The following AKR1B15 variants were observed in gnomAD, a reference collection of about 807,000 sequenced individuals.
AKR1B15 encodes aldo-keto reductase family 1 member B15, also known as estradiol 17-beta-dehydrogenase AKR1B15.
A neutral mutation model predicts 38.5 loss-of-function variants in AKR1B15; 49 were observed. That is an observed-to-expected ratio of 1.27 (90% CI 1.01 to 1.62). The LOEUF is 1.62. AKR1B15 is among the 40% of genes most tolerant of loss of function. The probability of loss-of-function intolerance (pLI) is 0.00; values close to 1 mark genes in which losing one functional copy is unlikely to be tolerated. For missense variants in AKR1B15, 411 were observed against 381.6 expected (o/e 1.08, Z -0.64); for synonymous variants, 137 against 135.5 (o/e 1.01, Z -0.08).
In AKR1B15 at chr7:134,566,373, G is replaced by T. The variant is rs573732885; in HGVS notation, c.150+1604G>T. On this transcript the variant is annotated intron_variant, in intron 3 of 11. Coordinates refer to ENST00000457545, the MANE Select transcript of AKR1B15 (RefSeq NM_001080538.3). ...CTAACGGGCATCTGCACTTTAACAA[G>T]TTCCCTAGGTGGTTCCTGTACACAT... Among the ~76,000 whole-genome samples the T allele has an allele frequency of 1.5e-4, 23 of 152,332 alleles. 1 individual carries two copies. In the East Asian group the frequency reaches 4.1e-3, roughly 27 times the overall value.
intron 2 of AKR1B15, among the ~76,000 whole-genome samples, chr7:134,557,104 A>G (rs1009345353): frequency 3.9e-5 from 6 of 152,210 alleles, no homozygotes; most frequent in Non-Finnish European, 7.3e-5. Context: ...CAAGAAAGTA[A>G]CACCACCTTT....
chr7:134,565,595 G>A lies in AKR1B15; in HGVS notation c.150+826G>A, dbSNP rs374680224. On this transcript the variant is annotated intron_variant, in intron 3 of 11. Coordinates refer to ENST00000457545, the MANE Select transcript of AKR1B15 (RefSeq NM_001080538.3). ...ACTTTCTTCTCTGGAGGGCTGTTTG[G>A]GTGTTTTCTCTTTCTACATTCAGCC... The A allele has an allele frequency of 2.7e-4, 432 of 1,608,886 alleles. No homozygotes were observed. In the African/African-American group the frequency reaches 5.1e-3, roughly 19 times the overall value.
chr7:134,551,201 C>A (rs1469231865), intron 1 of AKR1B15, among the ~76,000 whole-genome samples: 1 of 152,202 alleles, frequency 6.6e-6, no homozygotes, highest in East Asian at 1.9e-4. Flanking sequence ...CTTGTCTCCT[C>A]AACTACATCC....
At chr7:134,570,233 T>C (rs1794640253) in intron 5 of AKR1B15, 1 of 152,132 alleles carries the variant, frequency 6.6e-6, no homozygotes, top group African/African-American at 2.4e-5. Context: ...CCTAATAAAT[T>C]TTGGTCAGAC....
intron 10 of AKR1B15, 37 bp downstream of exon 10, chr7:134,577,083 T>C: frequency 1.3e-6 from 2 of 1,570,772 alleles, no homozygotes; most frequent in Non-Finnish European, 1.8e-6. Flanking sequence ...TATTCCTCAG[T>C]GGAGTGGGGG....
intron 1 of AKR1B15, among the ~76,000 whole-genome samples, chr7:134,550,645 G>A (rs536318306): frequency 2.6e-5 from 4 of 152,284 alleles, no homozygotes; most frequent in South Asian, 2.1e-4. Context: ...CTCCCAGGCC[G>A]TGAATATCTT....
At position 134,564,779 on chromosome 7, in the gene AKR1B15, T is replaced by C. The variant is rs1794495834; in HGVS notation, c.150+10T>C. ...TCGCCCCTATCCAGCAGTAAGTGGC[T>C]AGAGAGGTCATCACCCAATTCCCAA... On this transcript the variant is annotated intron_variant, in intron 3 of 11. Transcript: ENST00000457545. 1 of 661,898 alleles carries C rather than the reference T, an allele frequency of 1.5e-6. No individual in the cohort carries two copies. Among genetic ancestry groups the C allele is most frequent in the African/African-American group, 1.8e-5 (1 of 55,886 alleles). 41.0% of individuals were successfully genotyped at this position (661,898 alleles called of 1,614,324 possible). A position where few individuals can be genotyped will look rare whatever the true frequency, so the allele number is the denominator to read the frequency against.
intron 4 of AKR1B15, among the ~76,000 whole-genome samples, chr7:134,569,015 G>T (rs1464457051): frequency 2.0e-5 from 3 of 152,166 alleles, no homozygotes. Flanking sequence ...GGACCTATCA[G>T]ATGGGTCAGA....
At position 134,569,496 on chromosome 7, in the gene AKR1B15, C is replaced by G; in HGVS notation, c.402C>G (p.Asp134Glu). The change falls in exon 5 of 12, where the codon GAC (aspartate) becomes GAG (glutamate). Residue 134 changes from aspartate (D) to glutamate (E), a missense_variant. Coordinates refer to ENST00000457545, the MANE Select transcript of AKR1B15 (RefSeq NM_001080538.3). The part of the protein sequence containing the change: ...TLKDLKLSYL[D>E]VYLIHWPQGF... ...AGGACCTGAAGCTGAGCTATCTGGA[C>G]GTCTATCTTATTCACTGGCCACAGG... is the stretch of plus-strand genomic sequence containing the variant. The G allele has an allele frequency of 1.2e-6, 2 of 1,614,080 alleles. No individual in the cohort carries two copies. The highest frequency in any genetic ancestry group is 1.7e-6 in the Non-Finnish European group (2 of 1,179,958).
chr7:134,577,679 T>C (rs772066743), intron 10 of AKR1B15, 25 bp from the exon 11 acceptor site: 20 of 1,610,302 alleles, frequency 1.2e-5, no homozygotes, highest in Non-Finnish European at 1.6e-5. Flanking sequence ...TTACCGATAA[T>C]GTATTGGAAT....
At chr7:134,569,129 G>A (rs1309194413) in intron 4 of AKR1B15, among the ~76,000 whole-genome samples, 5 of 152,200 alleles carry the variant, frequency 3.3e-5, no homozygotes, top group Admixed American at 3.3e-4. Context: ...GACTGAGACA[G>A]GTAAACAAAT....
At chr7:134,565,518 T>C in intron 3 of AKR1B15, 1 of 1,613,870 alleles carries the variant, frequency 6.2e-7, no homozygotes, top group Non-Finnish European at 8.5e-7. Context: ...AAAGCCAAGA[T>C]GCCCATTGTG....
In AKR1B15 at chr7:134,564,781, G is replaced by A; in HGVS notation, c.150+12G>A. On this transcript the variant is annotated intron_variant, in intron 3 of 11. Transcript: ENST00000457545. ...GCCCCTATCCAGCAGTAAGTGGCTA[G>A]AGAGGTCATCACCCAATTCCCAACA... 1.5e-6 allele frequency: 1 copy of A among 662,190 alleles called. No individual in the cohort carries two copies. Among genetic ancestry groups the A allele is most frequent in the Non-Finnish European group, 2.7e-6 (1 of 366,376 alleles). The allele number at this position is 662,190 out of a possible 1,614,324, so 41.0% of individuals were successfully genotyped here.
intron 1 of AKR1B15, among the ~76,000 whole-genome samples, chr7:134,556,193 G>C (rs1794190425): frequency 6.6e-6 from 1 of 152,142 alleles, no homozygotes; most frequent in African/African-American, 2.4e-5. Context: ...AACACCCAGA[G>C]AGAGTCGATT....
At position 134,568,280 on chromosome 7, in the gene AKR1B15, C is replaced by T; in HGVS notation, c.273C>T (p.Ile91=). 6.2e-7 allele frequency: 1 copy of T among 1,614,084 alleles called. No individual in the cohort carries two copies. Among genetic ancestry groups the T allele is most frequent in the Non-Finnish European group, 8.5e-7 (1 of 1,179,984 alleles). ...TGGGAGAAGCCATCCAAGAGAAGAT[C>T]CAAGAGAAGGCTGTGATGCGGGAGG... ...HEVGEAIQEK[I]QEKAVMREDL... The change falls in exon 4 of 12, where the codon ATC becomes ATT. Residue 91 remains isoleucine (I), a synonymous_variant. Transcript: ENST00000457545.
rs79024112 is a variant in AKR1B15, at chr7:134,568,167, G to C, written c.160G>C (p.Gly54Arg). ...LLRPYPASLL[G>R]KVKEAVKVAI... is the part of the protein sequence containing the mutation. ...TTCTTTTGCTTTTCAGTCTCTTCTC[G>C]GCAAAGTGAAAGAAGCGGTGAAGGT... is the stretch of plus-strand genomic sequence containing the variant. The change falls in exon 4 of 12, where the codon GGC becomes CGC. Residue 54 changes from glycine to arginine, a missense_variant. By Grantham distance (125) the Gly-to-Arg change is moderately radical (BLOSUM62 -2). Coordinates refer to ENST00000457545, the MANE Select transcript of AKR1B15 (RefSeq NM_001080538.3). 2.5e-6 allele frequency: 4 copies of C among 1,613,790 alleles called. No individual in the cohort carries two copies. The African/African-American group carries it at 5.3e-5, about 22-fold the overall frequency.
At chr7:134,556,281 T>C (rs1414692222) in intron 1 of AKR1B15, among the ~76,000 whole-genome samples, 1 of 152,190 alleles carries the variant, frequency 6.6e-6, no homozygotes, top group African/African-American at 2.4e-5. Flanking sequence ...GATGTCCATT[T>C]TGGACGGGAT....
At position 134,569,465 on chromosome 7, in the gene AKR1B15, C is replaced by T. The variant is rs773738021; in HGVS notation, c.371C>T (p.Thr124Ile). 1.9e-6 allele frequency: 3 copies of T among 1,613,916 alleles called. No individual in the cohort carries two copies. Among genetic ancestry groups the T allele is most frequent in the Admixed American group, 1.7e-5 (1 of 59,998 alleles). ...CTTGTGAGGAAAGCCTTTGAGAAGA[C>T]CCTCAAGGACCTGAAGCTGAGCTAT... is the stretch of plus-strand genomic sequence containing the variant. The part of the protein sequence containing the change: ...RPLVRKAFEK[T>I]LKDLKLSYLD... The change falls in exon 5 of 12, where the codon ACC (threonine) becomes ATC (isoleucine). Residue 124 changes from threonine to isoleucine, a missense_variant. Thr to Ile is a moderately conservative substitution (Grantham distance 89, BLOSUM62 -1). Around this residue, in one of 3 missense-constraint regions of AKR1B15, gnomAD observed 254 missense variants for 212.4 expected, o/e 1.20. Transcript: ENST00000457545.
At chr7:134,562,367 A>T (rs1794420714) in intron 2 of AKR1B15, among the ~76,000 whole-genome samples, 1 of 152,090 alleles carries the variant, frequency 6.6e-6, no homozygotes, top group Non-Finnish European at 1.5e-5. Context: ...GACCAGCTTT[A>T]ATTCCCTTAT....
Sources: gnomAD v4.1 joint callset for allele counts (sites outside exome capture counted in the v4.1 genomes callset) on GRCh38, gnomAD v4.1.1 for gene constraint, gnomAD v4.1.1 regional missense constraint, MANE v1.5 for transcripts, NCBI Gene and HGNC (gene_info 2026-07-23, HGNC 2026-07-21) for gene names.